Variants in IFT56 observed in about 807,000 individuals in gnomAD.
IFT56 encodes intraflagellar transport protein 56.
chr7:139,181,032 A>AATT, the IFT56 span: 1 of 1,068,440 alleles, frequency 9.4e-7, no homozygotes, highest in South Asian at 1.4e-5. Context: ...AAGGTGCAGA[A>AATT]ATTATTTTTG....
At chr7:139,187,585 T>A in the IFT56 span, 1 of 1,602,438 alleles carries the variant, frequency 6.2e-7, no homozygotes, top group Admixed American at 1.7e-5. Flanking sequence ...TTTGCTTGTT[T>A]GTGAGGGAAA....
chr7:139,163,865 A>G, the IFT56 span, among the ~76,000 whole-genome samples: 1 of 152,336 alleles, frequency 6.6e-6, no homozygotes, highest in African/African-American at 2.4e-5. Context: ...CACTAAATAG[A>G]TATTTCGGGG....
the IFT56 span, chr7:139,174,257 C>G: frequency 1.7e-6 from 1 of 581,504 alleles, no homozygotes; most frequent in African/African-American, 1.9e-5. Context: ...CCAACAATAA[C>G]ATTAACAATC....
At chr7:139,178,093 G>C in the IFT56 span, 1 of 722,766 alleles carries the variant, frequency 1.4e-6, no homozygotes, top group Non-Finnish European at 2.3e-6. Context: ...TATAATGTCA[G>C]AATCTAGAAA....
the IFT56 span, among the ~76,000 whole-genome samples, chr7:139,186,007 A>C: frequency 6.6e-6 from 1 of 152,076 alleles, no homozygotes; most frequent in East Asian, 1.9e-4. Flanking sequence ...GTCTTAAGGA[A>C]ATTGTCAAAG....
At chr7:139,189,221 C>A in the IFT56 span, 1 of 777,560 alleles carries the variant, frequency 1.3e-6, no homozygotes, top group East Asian at 2.7e-5. Context: ...CCAAAAATGC[C>A]CTACAAGACA....
the IFT56 span, among the ~76,000 whole-genome samples, chr7:139,156,521 C>T: frequency 6.6e-6 from 1 of 151,588 alleles, no homozygotes. Flanking sequence ...TATATTGTAT[C>T]TTTCATTTAT....
the IFT56 span, among the ~76,000 whole-genome samples, chr7:139,165,733 A>T: frequency 6.6e-6 from 1 of 152,160 alleles, no homozygotes; most frequent in Non-Finnish European, 1.5e-5. Context: ...TGAAATTGTC[A>T]GACACACGCC....
At chr7:139,156,942 G>A in the IFT56 span, among the ~76,000 whole-genome samples, 1 of 152,064 alleles carries the variant, frequency 6.6e-6, no homozygotes, top group South Asian at 2.1e-4. Flanking sequence ...GGGTGTCTTG[G>A]CTATTCTTGG....
the IFT56 span, among the ~76,000 whole-genome samples, chr7:139,184,957 G>A: frequency 6.6e-6 from 1 of 151,768 alleles, no homozygotes; most frequent in African/African-American, 2.4e-5. Flanking sequence ...AGGAGGCTGA[G>A]GCAGGAGAAT....
chr7:139,154,055 T>C, the IFT56 span, among the ~76,000 whole-genome samples: 1 of 152,252 alleles, frequency 6.6e-6, no homozygotes, highest in Non-Finnish European at 1.5e-5. Flanking sequence ...TGGAATCTTG[T>C]GGTTTCTATT....
At chr7:139,160,491 G>T in the IFT56 span, among the ~76,000 whole-genome samples, 1 of 150,110 alleles carries the variant, frequency 6.7e-6, no homozygotes, top group African/African-American at 2.5e-5. Context: ...ATGCAGTGGC[G>T]CAATCTTGGC....
chr7:139,134,883 A>T, the IFT56 span: 1 of 1,357,862 alleles, frequency 7.4e-7, no homozygotes, highest in Non-Finnish European at 1.0e-6. Context: ...CTCTTGAAAT[A>T]GGTGGGTGCA....
chr7:139,156,416 T>C, the IFT56 span, among the ~76,000 whole-genome samples: 1 of 151,922 alleles, frequency 6.6e-6, no homozygotes, highest in South Asian at 2.1e-4. Context: ...AGGTTATTAA[T>C]TTGTGGTCTT....
At chr7:139,148,351 C>T in the IFT56 span, 107 of 1,612,324 alleles carry the variant, frequency 6.6e-5, no homozygotes, top group South Asian at 1.9e-4. Context: ...TAACCATTTT[C>T]GCCTTTACAA....
the IFT56 span, among the ~76,000 whole-genome samples, chr7:139,159,204 G>A: frequency 6.6e-6 from 1 of 152,080 alleles, no homozygotes; most frequent in African/African-American, 2.4e-5. Context: ...ATGTTTGGTA[G>A]AACTTATTGA....
At chr7:139,160,942 T>C in the IFT56 span, 1 of 1,612,242 alleles carries the variant, frequency 6.2e-7, no homozygotes, top group Non-Finnish European at 8.5e-7. Flanking sequence ...CTTCTTTAAA[T>C]TTCAGGCAGA....
At chr7:139,153,902 T>A in the IFT56 span, among the ~76,000 whole-genome samples, 1 of 152,206 alleles carries the variant, frequency 6.6e-6, no homozygotes, top group Non-Finnish European at 1.5e-5. Flanking sequence ...TGTAATTGTC[T>A]GGGGAACTGC....
the IFT56 span, among the ~76,000 whole-genome samples, chr7:139,134,393 C>G: frequency 6.6e-6 from 1 of 151,972 alleles, no homozygotes; most frequent in South Asian, 2.1e-4. Context: ...GCCTCAGCCT[C>G]CCGAGTAGCT....
Sources: gnomAD v4.1 joint callset for allele counts (sites outside exome capture counted in the v4.1 genomes callset) on GRCh38, gnomAD v4.1.1 for gene constraint, MANE v1.5 for transcripts, NCBI Gene and HGNC (gene_info 2026-07-23, HGNC 2026-07-21) for gene names.